CA10: variants seen among roughly 807,000 people sequenced by gnomAD.
CA10 encodes the protein carbonic anhydrase 10 (inactive).
In CA10, 14 loss-of-function variants were observed where a neutral mutation model predicts 44.2. The ratio of observed to expected loss-of-function variants is 0.32; its 90% CI spans 0.21 to 0.50. The LOEUF (loss-of-function observed/expected upper bound fraction) is 0.50. Among genes scored for constraint, CA10 ranks in the 20% least tolerant of loss-of-function variants. The pLI, the probability that CA10 is intolerant of heterozygous loss-of-function variation, is 0.99. For missense variants in CA10, 350 were observed against 409.7 expected (o/e 0.85, Z 1.26); for synonymous variants, 159 against 141.6 (o/e 1.12, Z -0.87).
In CA10 at chr17:51,892,842, G is replaced by A. The variant is rs547330427; in HGVS notation, c.279+38148C>T. ...TTTAGCACAATGGGGAAAAGACCAC[G>A]TGAGTACTAGAGGCTTCATTATGAA... On this transcript the variant is annotated intron_variant, in intron 3 of 8. Transcript: ENST00000451037. Among the ~76,000 whole-genome samples, 53 of 152,272 alleles carry A rather than the reference G, an allele frequency of 3.5e-4. 2 individuals are homozygous for A. In the South Asian group the frequency reaches 8.5e-3, roughly 24 times the overall value.
At chr17:52,159,656 G>A (rs1598247346), upstream of CA10, 1 of 152,296 alleles carries the variant, frequency 6.6e-6, no homozygotes, top group East Asian at 1.9e-4. Flanking sequence ...GGCCCCAGGG[G>A]AAAGTAGGGG....
intron 4 of CA10, among the ~76,000 whole-genome samples, chr17:51,718,918 A>T (rs1360733086): frequency 6.6e-6 from 1 of 152,196 alleles, no homozygotes; most frequent in African/African-American, 2.4e-5. Context: ...TTTTCTCCAT[A>T]TCTCATACTA....
intron 2 of CA10, among the ~76,000 whole-genome samples, chr17:51,942,315 C>G (rs1342204683): frequency 1.3e-5 from 2 of 151,992 alleles, no homozygotes; most frequent in Admixed American, 6.6e-5. Context: ...AACTGGTCAC[C>G]AAAGATGGAA....
At chr17:51,915,106 G>A (rs910230445) in intron 3 of CA10, among the ~76,000 whole-genome samples, 4 of 152,060 alleles carry the variant, frequency 2.6e-5, no homozygotes, top group African/African-American at 9.7e-5. Context: ...CTAACCAGAT[G>A]CTGACACAGC....
At chr17:51,639,146 A>T (rs1912969018) in intron 6 of CA10, among the ~76,000 whole-genome samples, 1 of 152,156 alleles carries the variant, frequency 6.6e-6, no homozygotes, top group Non-Finnish European at 1.5e-5. Flanking sequence ...GCTTGCTCTG[A>T]TGGTGGTTTG....
chr17:52,121,580 A>G (rs145544895), intron 1 of CA10, among the ~76,000 whole-genome samples: 1 of 152,256 alleles, frequency 6.6e-6, no homozygotes, highest in East Asian at 1.9e-4. Flanking sequence ...TTTCAAAAAA[A>G]AAGAATTGCA....
chr17:51,717,725 ATACATATATACG>A (rs1567815363), intron 4 of CA10, among the ~76,000 whole-genome samples: 1 of 25,164 alleles, frequency 4.0e-5, no homozygotes, highest in African/African-American at 1.0e-4. Flanking sequence ...ATACGTATAT[ATACATATATACG>A]TATATATACA....
intron 2 of CA10, among the ~76,000 whole-genome samples, chr17:52,024,842 T>A (rs1458328249): frequency 6.6e-6 from 1 of 152,036 alleles, no homozygotes; most frequent in African/African-American, 2.4e-5. Flanking sequence ...GCTATGATAA[T>A]GGTGATAGTG....
chr17:51,854,503 G>A (rs1978948559), intron 3 of CA10, among the ~76,000 whole-genome samples: 1 of 152,138 alleles, frequency 6.6e-6, no homozygotes, highest in Non-Finnish European at 1.5e-5. Context: ...TAGTTTTGTG[G>A]GTAGCTCCCC....
chr17:51,653,081 T>C (rs993413041), intron 5 of CA10, among the ~76,000 whole-genome samples: 10 of 151,888 alleles, frequency 6.6e-5, no homozygotes, highest in Admixed American at 6.6e-4. Flanking sequence ...AGATGTGGAG[T>C]TTCCTCAAAA....
chr17:52,033,823 G>A (rs1164181054), intron 2 of CA10, among the ~76,000 whole-genome samples: 2 of 151,976 alleles, frequency 1.3e-5, no homozygotes, highest in African/African-American at 4.8e-5. Context: ...TATACAATAG[G>A]GTTTGCACTC....
At chr17:51,884,251 C>T (rs570405594) in intron 3 of CA10, among the ~76,000 whole-genome samples, 4 of 152,318 alleles carry the variant, frequency 2.6e-5, no homozygotes, top group Admixed American at 2.0e-4. Context: ...ATTTTCAACA[C>T]AGAGTGATGC....
At chr17:51,765,723 GTA>G (rs756479399) in intron 3 of CA10, among the ~76,000 whole-genome samples, 1,882 of 135,932 alleles carry the variant, frequency 0.014, 50 homozygotes, top group African/African-American at 0.06. Context: ...GTGTGTGTGT[GTA>G]TGTGTGTGTG....
At chr17:51,842,135 A>G (rs2143806567) in intron 3 of CA10, among the ~76,000 whole-genome samples, 1 of 152,328 alleles carries the variant, frequency 6.6e-6, no homozygotes, top group East Asian at 1.9e-4. Context: ...GTTTTCTGAG[A>G]GGGCCTACCT....
At chr17:51,820,579 A>T (rs1332042343) in intron 3 of CA10, among the ~76,000 whole-genome samples, 3 of 151,934 alleles carry the variant, frequency 2.0e-5, no homozygotes, top group Admixed American at 6.5e-5. Context: ...GAAAATTTCC[A>T]CTTATACCTG....
In CA10 at chr17:52,141,649, A is replaced by G. The variant is rs555690189; in HGVS notation, c.61+16077T>C. ...ATGAGCATGACTGTGTCCCAGTACA[A>G]CTTTGTTTTCTAAGTTGTAAACAAA... On this transcript the variant is annotated intron_variant, in intron 1 of 8. Transcript: ENST00000451037. Among the ~76,000 whole-genome samples the G allele has an allele frequency of 3.9e-5, 6 of 152,286 alleles. No homozygotes were observed. In the South Asian group the frequency reaches 1.2e-3, roughly 32 times the overall value.
chr17:52,072,340 C>CCA lies in CA10; in HGVS notation c.113_114dup (p.Val39TrpfsTer16). 6.2e-7 allele frequency: 1 copy of CCA among 1,612,796 alleles called. No homozygotes were observed. Reference sequence around the variant, plus strand: ...TTACCTGGAACAAAGCTTCCCTGGACCACCTCCTTGTATGCCCACCAGCCT... The same window carrying CCA: ...TTACCTGGAACAAAGCTTCCCTGGACCACACCTCCTTGTATGCCCACCAGCCT... On this transcript the variant is annotated frameshift_variant, in exon 2 of 9. Coordinates refer to ENST00000451037, the MANE Select transcript of CA10 (RefSeq NM_020178.5). LOFTEE classifies it high-confidence loss of function.
intron 3 of CA10, among the ~76,000 whole-genome samples, chr17:51,803,373 C>A (rs146298859): frequency 1.3e-3 from 199 of 152,282 alleles, no homozygotes; most frequent in Non-Finnish European, 1.6e-3. Context: ...CAGCATCTCC[C>A]GCTCCTGCAT....
At chr17:51,710,908 GAAC>G (rs1340763810) in intron 4 of CA10, among the ~76,000 whole-genome samples, 1 of 131,846 alleles carries the variant, frequency 7.6e-6, no homozygotes, top group African/African-American at 2.8e-5. Flanking sequence ...GCCAAAGACT[GAAC>G]AACATTTTGC....
Sources: gnomAD v4.1 joint callset for allele counts (sites outside exome capture counted in the v4.1 genomes callset) on GRCh38, gnomAD v4.1.1 for gene constraint, MANE v1.5 for transcripts, NCBI Gene and HGNC (gene_info 2026-07-23, HGNC 2026-07-21) for gene names.